Variants in MTMR9 observed in about 807,000 individuals in gnomAD.
MTMR9 encodes the protein myotubularin-related protein 9.
In MTMR9, 39 loss-of-function variants were observed where a neutral mutation model predicts 69.5. The observed-to-expected ratio is 0.56, with a 90% CI of 0.43 to 0.73. MTMR9 has a LOEUF of 0.73. Among genes scored for constraint, MTMR9 ranks in the 30% least tolerant of loss-of-function variants. The pLI, the probability that MTMR9 is intolerant of heterozygous loss-of-function variation, is 0.00. For missense variants in MTMR9, 900 were observed against 671.2 expected (o/e 1.34, Z -3.77); for synonymous variants, 354 against 240.8 (o/e 1.47, Z -4.35).
chr8:11,327,378 C>T lies in MTMR9; in HGVS notation c.*4590C>T, dbSNP rs1287972726. Reference sequence around the variant, plus strand: ...GACTTCTAGAGCCATTCTCTTTAACCGTCTGCAGGTCTAAGGATTAACTAT... The same window carrying T: ...GACTTCTAGAGCCATTCTCTTTAACTGTCTGCAGGTCTAAGGATTAACTAT... On this transcript the variant is annotated 3_prime_UTR_variant, in exon 10 of 10. Coordinates refer to ENST00000221086, the MANE Select transcript of MTMR9 (RefSeq NM_015458.4). 2 of 152,174 alleles carry T rather than the reference C, an allele frequency of 1.3e-5. No homozygotes were observed. Among genetic ancestry groups the T allele is most frequent in the South Asian group, 2.1e-4 (1 of 4,820 alleles). The allele number at this position is 152,174 out of a possible 1,614,324, so 9.4% of individuals were successfully genotyped here.
chr8:11,329,481 T>C (rs1801106793), downstream of MTMR9, among the ~76,000 whole-genome samples: 1 of 152,160 alleles, frequency 6.6e-6, no homozygotes, highest in Non-Finnish European at 1.5e-5. Context: ...GCCTGACTGG[T>C]TTTCGTATTT....
At chr8:11,290,248 ATTTT>A (rs565251441) in intron 1 of MTMR9, among the ~76,000 whole-genome samples, 2 of 149,288 alleles carry the variant, frequency 1.3e-5, no homozygotes, top group Admixed American at 1.3e-4. Flanking sequence ...TATACTTAAA[ATTTT>A]TTTTTTTCCT....
chr8:11,306,003 A>G (rs1799924938), intron 4 of MTMR9, among the ~76,000 whole-genome samples, 187 bp from the exon 5 acceptor site: 1 of 152,238 alleles, frequency 6.6e-6, no homozygotes. Flanking sequence ...TAAAAGCTTA[A>G]GGCTTATCTT....
intron 8 of MTMR9, 35 bp from the exon 9 acceptor site, chr8:11,319,652 T>G: frequency 1.2e-6 from 2 of 1,609,246 alleles, no homozygotes; most frequent in Non-Finnish European, 1.7e-6. Flanking sequence ...TGTTATAAAT[T>G]AATTACTTTA....
chr8:11,289,371 TAA>T (rs1436167099), intron 1 of MTMR9, among the ~76,000 whole-genome samples: 1 of 152,232 alleles, frequency 6.6e-6, no homozygotes, highest in African/African-American at 2.4e-5. Flanking sequence ...CGTAGAAACT[TAA>T]GTTTAAATAA....
chr8:11,331,396 C>A (rs759501804), downstream of MTMR9: 2 of 1,613,846 alleles, frequency 1.2e-6, no homozygotes, highest in African/African-American at 2.7e-5. Context: ...CTTCTGGGAC[C>A]TCCTGACATC....
At position 11,304,798 on chromosome 8, in the gene MTMR9, A is replaced by G. The variant is rs140404266; in HGVS notation, c.418-43A>G. On this transcript the variant is annotated intron_variant, in intron 3 of 9. Coordinates refer to ENST00000221086, the MANE Select transcript of MTMR9 (RefSeq NM_015458.4). ...AAAATTTCTCAGATTATTTTGCGAC[A>G]TTGAGATAGTTGCTTAGCTTTGAAG... The G allele has an allele frequency of 2.9e-3, 4,604 of 1,590,574 alleles. 11 individuals carry two copies. The highest frequency in any genetic ancestry group is 3.6e-3 in the Non-Finnish European group (4,249 of 1,165,516).
At chr8:11,296,258 C>T (rs574704461) in intron 2 of MTMR9, among the ~76,000 whole-genome samples, 1 of 152,012 alleles carries the variant, frequency 6.6e-6, no homozygotes, top group African/African-American at 2.4e-5. Context: ...ATAATAGTAC[C>T]TATCTTTTAG....
intron 9 of MTMR9, chr8:11,320,781 AGT>A: frequency 6.6e-6 from 1 of 152,346 alleles, no homozygotes. Context: ...TGAACTATAT[AGT>A]GTTTCATTAA....
chr8:11,309,697 C>T lies in MTMR9; in HGVS notation c.971+9C>T. 6.2e-7 allele frequency: 1 copy of T among 1,612,408 alleles called. No homozygotes were observed. The highest frequency in any genetic ancestry group is 8.5e-7 in the Non-Finnish European group (1 of 1,179,220). Reference sequence around the variant, plus strand: ...GCTCAGTGCATCGACAGGTAAAGTGCATTTCAGCGTTCCTGAGCGAAACAT... The same window carrying T: ...GCTCAGTGCATCGACAGGTAAAGTGTATTTCAGCGTTCCTGAGCGAAACAT... On this transcript the variant is annotated intron_variant, in intron 6 of 9. Coordinates refer to ENST00000221086, the MANE Select transcript of MTMR9 (RefSeq NM_015458.4).
intron 1 of MTMR9, among the ~76,000 whole-genome samples, chr8:11,286,189 C>G (rs1799148890): frequency 6.6e-6 from 1 of 151,632 alleles, no homozygotes; most frequent in Admixed American, 6.6e-5. Context: ...CCTGACCTCG[C>G]AATCCTCCCG....
intron 1 of MTMR9, among the ~76,000 whole-genome samples, chr8:11,291,233 C>T (rs1402878329): frequency 2.0e-5 from 3 of 152,066 alleles, no homozygotes; most frequent in African/African-American, 4.8e-5. Context: ...AACAATGTTA[C>T]ATTATTTATT....
downstream of MTMR9, chr8:11,331,450 T>C (rs1364323705): frequency 2.5e-6 from 4 of 1,613,878 alleles, no homozygotes; most frequent in Admixed American, 3.3e-5. Context: ...GTCCTCAGCA[T>C]TGGATGTGCC....
the MTMR9 span, among the ~76,000 whole-genome samples, chr8:11,335,210 G>A: frequency 6.6e-6 from 1 of 152,172 alleles, no homozygotes; most frequent in African/African-American, 2.4e-5. Flanking sequence ...CTAATAAACA[G>A]TTATAGCAAG....
chr8:11,298,772 G>A (rs1799648236), intron 2 of MTMR9: 1 of 966,152 alleles, frequency 1.0e-6, no homozygotes, highest in South Asian at 4.8e-5. Flanking sequence ...ATCCCCCTGT[G>A]AGAAGGATGA....
intron 1 of MTMR9, among the ~76,000 whole-genome samples, chr8:11,286,558 C>G (rs1011369265): frequency 1.3e-5 from 2 of 150,146 alleles, no homozygotes; most frequent in Non-Finnish European, 2.9e-5. Flanking sequence ...CCCAGTTACT[C>G]AGGAGGCTGA....
downstream of MTMR9, chr8:11,331,817 C>T: frequency 2.5e-6 from 4 of 1,611,882 alleles, no homozygotes; most frequent in Non-Finnish European, 3.4e-6. Context: ...GTGTGCCAGG[C>T]CTCTTTGTGC....
Position 11,287,366 on chromosome 8 carries a change from C to G in MTMR9, c.182+2296C>G, listed in dbSNP as rs192729817. ...TACCTTGCATTTACAAGGTGCTGGG[C>G]TTTGTAGTACATGAAGAAGAAGCAG... On this transcript the variant is annotated intron_variant, in intron 1 of 9. Coordinates refer to ENST00000221086, the MANE Select transcript of MTMR9 (RefSeq NM_015458.4). 3.9e-4 allele frequency among the ~76,000 whole-genome samples: 59 copies of G among 152,098 alleles called. 2 individuals are homozygous for G. The highest frequency in any genetic ancestry group is 3.2e-3 in the Admixed American group (49 of 15,256).
intron 1 of MTMR9, 75 bp downstream of exon 1, chr8:11,285,145 C>T: frequency 1.5e-6 from 2 of 1,375,922 alleles, no homozygotes; most frequent in Middle Eastern, 2.5e-4. Context: ...TACTTCCTGG[C>T]GTTTTCCGCG....
Sources: allele counts gnomAD v4.1 joint callset (sites outside exome capture counted in the v4.1 genomes callset), GRCh38; gene constraint gnomAD v4.1.1; transcripts MANE v1.5; gene names NCBI Gene and HGNC (gene_info 2026-07-23, HGNC 2026-07-21).